Variants in ZHX3 observed in about 807,000 individuals in gnomAD.
ZHX3 encodes zinc fingers and homeoboxes 3, also known as zinc fingers and homeoboxes protein 3.
A neutral mutation model predicts 64.5 loss-of-function variants in ZHX3; 20 were observed. That is an observed-to-expected ratio of 0.31 (90% CI 0.22 to 0.45). The LOEUF (loss-of-function observed/expected upper bound fraction) is 0.45. Among genes scored for constraint, ZHX3 ranks in the 20% least tolerant of loss-of-function variants. ZHX3 has a pLI of 1.00. For missense variants in ZHX3, 1,041 were observed against 1,195.8 expected (o/e 0.87, Z 1.91); for synonymous variants, 423 against 461.6 (o/e 0.92, Z 1.07).
chr20:41,246,872 GAA>G (rs754121889), intron 2 of ZHX3, among the ~76,000 whole-genome samples: 1 of 128,502 alleles, frequency 7.8e-6, no homozygotes, highest in Non-Finnish European at 1.6e-5. Context: ...GACTCCATCT[GAA>G]AAAAAAAAAC....
At chr20:41,309,524 C>T (rs1207060185) in intron 1 of ZHX3, among the ~76,000 whole-genome samples, 2 of 152,192 alleles carry the variant, frequency 1.3e-5, no homozygotes, top group African/African-American at 2.4e-5. Context: ...TACTACATGC[C>T]TCTAGTGCTG....
chr20:41,275,910 A>C (rs2043356064), intron 1 of ZHX3, among the ~76,000 whole-genome samples: 1 of 152,226 alleles, frequency 6.6e-6, no homozygotes, highest in Admixed American at 6.5e-5. Context: ...AAATACAAAA[A>C]ATAAAAATAA....
At chr20:41,196,357 TATAA>T (rs1271551543) in intron 3 of ZHX3, among the ~76,000 whole-genome samples, 91 of 95,846 alleles carry the variant, frequency 9.5e-4, no homozygotes, top group African/African-American at 1.2e-3. Context: ...ATATATATCT[TATAA>T]ATATATATAT....
chr20:41,204,793 G>A lies in ZHX3; in HGVS notation c.124C>T (p.Pro42Ser), dbSNP rs753391635. The A allele has an allele frequency of 6.2e-7, 1 of 1,613,678 alleles. No homozygotes were observed. Among genetic ancestry groups the A allele is most frequent in the South Asian group, 1.1e-5 (1 of 91,042 alleles). The change falls in exon 3 of 4, where the codon CCC (proline) becomes TCC (serine). Residue 42 changes from proline to serine, a missense_variant. Pro to Ser is a moderately conservative substitution (Grantham distance 74, BLOSUM62 -1). Around this residue, in one of 4 missense-constraint regions of ZHX3, gnomAD observed 358 missense variants for 369.1 expected, o/e 0.97. Coordinates refer to ENST00000683867, the MANE Select transcript of ZHX3 (RefSeq NM_001384317.1). The surrounding 1 kb of genome is among the most constrained non-coding windows in gnomAD (Gnocchi z 6.6). The part of the protein sequence containing the change: ...TLPEGPQQDL[P>S]PEASAASSEA... ...CTGCTGGCAGCAGATGCTTCTGGGGGCAGATCCTGCTGGGGTCCTTCAGGC... is the reference window on the plus strand; with the variant it reads ...CTGCTGGCAGCAGATGCTTCTGGGGACAGATCCTGCTGGGGTCCTTCAGGC...
At chr20:41,246,047 T>C (rs117919583) in intron 2 of ZHX3, among the ~76,000 whole-genome samples, 1,791 of 152,330 alleles carry the variant, frequency 0.012, 13 homozygotes, top group Non-Finnish European at 0.019. Context: ...GGAATATATT[T>C]TTGATATAGA....
At chr20:41,191,322 T>A (rs1331915939) in intron 3 of ZHX3, among the ~76,000 whole-genome samples, 2 of 152,204 alleles carry the variant, frequency 1.3e-5, no homozygotes, top group Non-Finnish European at 2.9e-5. Flanking sequence ...AAGCTTTCAA[T>A]TGTATTCTGT....
At chr20:41,251,149 A>T (rs968352296) in intron 2 of ZHX3, among the ~76,000 whole-genome samples, 4 of 118,396 alleles carry the variant, frequency 3.4e-5, no homozygotes, top group Non-Finnish European at 6.7e-5. Context: ...GAAAAGGCAG[A>T]AATATGGGGA....
chr20:41,187,812 T>A (rs1301738922), intron 3 of ZHX3, among the ~76,000 whole-genome samples: 4 of 152,248 alleles, frequency 2.6e-5, no homozygotes, highest in Non-Finnish European at 4.4e-5. Context: ...TTTACATATT[T>A]ATGGGGTACA....
At chr20:41,298,714 C>G (rs181223630) in intron 1 of ZHX3, among the ~76,000 whole-genome samples, 5 of 152,194 alleles carry the variant, frequency 3.3e-5, no homozygotes, top group Admixed American at 2.0e-4. Context: ...CTAACAAAAC[C>G]TCAGGATAAT....
intron 1 of ZHX3, among the ~76,000 whole-genome samples, chr20:41,270,617 A>G (rs1299280199): frequency 2.0e-5 from 3 of 151,686 alleles, no homozygotes; most frequent in Non-Finnish European, 4.4e-5. Context: ...TGGAGCTTAC[A>G]GTGAGCCAAG....
chr20:41,292,027 A>AG (rs1249582387), intron 1 of ZHX3, among the ~76,000 whole-genome samples: 1 of 151,076 alleles, frequency 6.6e-6, no homozygotes, highest in East Asian at 1.9e-4. Context: ...AAAAAAAAAA[A>AG]AAAAAAAAAA....
intron 1 of ZHX3, chr20:41,272,262 T>C (rs926495353): frequency 1.3e-5 from 2 of 152,310 alleles, no homozygotes; most frequent in East Asian, 3.9e-4. Context: ...AACTTCCCAA[T>C]GTACAAAGCA....
chr20:41,206,385 C>A (rs1483955637), intron 2 of ZHX3, among the ~76,000 whole-genome samples: 1 of 152,078 alleles, frequency 6.6e-6, no homozygotes, highest in Non-Finnish European at 1.5e-5. Context: ...GAAGCCATCA[C>A]AAAGAAGCTA....
intron 3 of ZHX3, chr20:41,188,408 C>CCTCTT (rs2036714522): frequency 1.9e-5 from 2 of 102,594 alleles, no homozygotes; most frequent in African/African-American, 3.6e-5. Flanking sequence ...CCACCCCCAC[C>CCTCTT]TTTTTTTTTT....
chr20:41,193,713 GT>G (rs5841404), intron 3 of ZHX3, among the ~76,000 whole-genome samples: 65,908 of 141,678 alleles, frequency 0.47, 16,040 homozygotes, highest in African/African-American at 0.68. Context: ...TGTTGTTTTT[GT>G]TTTTTTTTTT....
At chr20:41,229,731 C>T (rs2040481071) in intron 2 of ZHX3, among the ~76,000 whole-genome samples, 1 of 152,058 alleles carries the variant, frequency 6.6e-6, no homozygotes, top group Non-Finnish European at 1.5e-5. Context: ...AGTCCTTTGA[C>T]CATTTTAATC....
intron 3 of ZHX3, among the ~76,000 whole-genome samples, chr20:41,198,364 C>CTGAA (rs2037938049): frequency 1.3e-5 from 2 of 152,112 alleles, no homozygotes; most frequent in Non-Finnish European, 2.9e-5. Context: ...CTCCCTTTAG[C>CTGAA]ATTTCTGGTA....
At chr20:41,281,218 A>G (rs1178544154) in intron 1 of ZHX3, among the ~76,000 whole-genome samples, 1 of 151,942 alleles carries the variant, frequency 6.6e-6, no homozygotes, top group East Asian at 1.9e-4. Context: ...AATTTTAAGC[A>G]TAGACTCTCA....
At chr20:41,223,366 T>C (rs1356301249) in intron 2 of ZHX3, among the ~76,000 whole-genome samples, 1 of 152,198 alleles carries the variant, frequency 6.6e-6, no homozygotes, top group African/African-American at 2.4e-5. Flanking sequence ...TATAAGGTAA[T>C]CTACTATCAG....
Sources: allele counts gnomAD v4.1 joint callset (sites outside exome capture counted in the v4.1 genomes callset), GRCh38; gene constraint gnomAD v4.1.1; regional missense constraint gnomAD v4.1.1; non-coding constraint Gnocchi (gnomAD v3.1); transcripts MANE v1.5; gene names NCBI Gene and HGNC (gene_info 2026-07-23, HGNC 2026-07-21).